Variants in NLRP14 observed in about 807,000 individuals in gnomAD.
NLRP14 encodes the protein NACHT, LRR and PYD domains-containing protein 14.
Under a neutral mutation model 94.7 loss-of-function variants are expected in NLRP14, and 105 were observed. The observed-to-expected ratio is 1.11, with a 90% CI of 0.95 to 1.30. The LOEUF (loss-of-function observed/expected upper bound fraction) is 1.30, where lower values mean the gene tolerates loss of function less well. Among genes scored for constraint, NLRP14 ranks in the 50% most tolerant of loss-of-function variants. The pLI is 0.00. For synonymous variants in NLRP14, 508 were observed against 459.9 expected (o/e 1.10, Z -1.34); for missense variants, 1,362 against 1,254.1 (o/e 1.09, Z -1.30).
rs866262569 is a variant in NLRP14 at position 7,065,372 on chromosome 11, T to C, written c.2975+2869T>C. ...TTCATTGTGTTTATACATAGAAACATAGGAGTTTTTAAAGTTGGTTTCTTA... is the reference window on the plus strand; with the variant it reads ...TTCATTGTGTTTATACATAGAAACACAGGAGTTTTTAAAGTTGGTTTCTTA... On this transcript the variant is annotated intron_variant, in intron 10 of 11. Coordinates refer to ENST00000299481, the MANE Select transcript of NLRP14 (RefSeq NM_176822.4). Among the ~76,000 whole-genome samples the C allele has an allele frequency of 1.3e-4, 20 of 152,276 alleles. 1 individual carries two copies. Among genetic ancestry groups the C allele is most frequent in the Middle Eastern group, 3.4e-3 (1 of 294 alleles).
intron 4 of NLRP14, 135 bp downstream of exon 4, chr11:7,044,119 A>C (rs768539493): frequency 7.9e-6 from 7 of 884,954 alleles, no homozygotes; most frequent in Non-Finnish European, 8.9e-6. Context: ...TGAGGCAGGG[A>C]GGCTAAGCAT....
rs138203804 is a variant in NLRP14, at chr11:7,035,668, G to C, written c.-21-2898G>C. Among the ~76,000 whole-genome samples the C allele has an allele frequency of 1.6e-4, 25 of 152,272 alleles. No individual in the cohort carries two copies. The East Asian group carries it at 4.8e-3, about 29-fold the overall frequency. ...AAGGGTGGAAACACCTGGCTTCCTA[G>C]GTCAAATCTTACCTCCCTGAGACCT... On this transcript the variant is annotated intron_variant, in intron 1 of 11. Coordinates refer to ENST00000299481, the MANE Select transcript of NLRP14 (RefSeq NM_176822.4).
At chr11:7,038,993 C>T (rs1302700883) in intron 2 of NLRP14, 118 bp downstream of exon 2, 5 of 902,610 alleles carry the variant, frequency 5.5e-6, no homozygotes, top group Non-Finnish European at 6.3e-6. Flanking sequence ...GACATAAGCT[C>T]CATGGTGGTC....
At chr11:7,025,877 T>A (rs1852008349) in intron 1 of NLRP14, among the ~76,000 whole-genome samples, 1 of 152,166 alleles carries the variant, frequency 6.6e-6, no homozygotes, top group Non-Finnish European at 1.5e-5. Flanking sequence ...AATTCAATAT[T>A]TGTGTTTCAG....
At chr11:7,040,909 C>G (rs547970839) in intron 3 of NLRP14, among the ~76,000 whole-genome samples, 1 of 152,180 alleles carries the variant, frequency 6.6e-6, no homozygotes, top group African/African-American at 2.4e-5. Flanking sequence ...TTATTTCAAA[C>G]CTAATGGCTA....
intron 6 of NLRP14, among the ~76,000 whole-genome samples, chr11:7,055,149 AT>A (rs1195791147): frequency 5.3e-5 from 8 of 152,008 alleles, no homozygotes. Context: ...TTGTATTTTT[AT>A]TTATCATTGT....
chr11:7,028,093 A>AT (rs147838325), intron 1 of NLRP14, among the ~76,000 whole-genome samples: 5,295 of 152,198 alleles, frequency 0.035, 135 homozygotes, highest in East Asian at 0.13. Context: ...AATTCCACCT[A>AT]TAAGCTAGTG....
chr11:7,062,341 G>T lies in NLRP14; in HGVS notation c.2813G>T (p.Gly938Val). ...TATTGTAATTCTTACAGATTGATGG[G>T]CTGTGTTCTCACTAATGCATGTTGT... ...SCNLQDLELM[G>V]CVLTNACCLD... Residue 938 changes from glycine (G) to valine (V), a missense_variant, in exon 10 of 12, where the codon GGC becomes GTC. By Grantham distance (109) the Gly-to-Val change is moderately radical (BLOSUM62 -3). Coordinates refer to ENST00000299481, the MANE Select transcript of NLRP14 (RefSeq NM_176822.4). 6.2e-7 allele frequency: 1 copy of T among 1,612,194 alleles called. No homozygotes were observed. Among genetic ancestry groups the T allele is most frequent in the Non-Finnish European group, 8.5e-7 (1 of 1,178,534 alleles).
the NLRP14 span, among the ~76,000 whole-genome samples, chr11:7,087,402 G>A: frequency 6.6e-6 from 1 of 152,176 alleles, no homozygotes; most frequent in African/African-American, 2.4e-5. Flanking sequence ...CTTGCTTGGA[G>A]CCCTGCAAAT....
chr11:7,057,914 T>C (rs986261366), intron 7 of NLRP14, 67 bp downstream of exon 7: 5 of 1,345,500 alleles, frequency 3.7e-6, no homozygotes, highest in Middle Eastern at 1.8e-4. Flanking sequence ...AATTGTGATC[T>C]GATAGGGAAA....
chr11:7,046,609 G>T (rs1852353985), intron 4 of NLRP14, 59 bp from the exon 5 acceptor site: 1 of 1,495,204 alleles, frequency 6.7e-7, no homozygotes, highest in Non-Finnish European at 9.3e-7. Context: ...TCCTCTGAGA[G>T]TTGGCTAGGC....
the NLRP14 span, chr11:7,089,232 C>A: frequency 6.2e-7 from 1 of 1,612,956 alleles, no homozygotes; most frequent in Non-Finnish European, 8.5e-7. Flanking sequence ...CGTCGAGGTG[C>A]TCCTGATGAA....
In NLRP14 at chr11:7,064,220, G is replaced by A. The variant is rs1589872833; in HGVS notation, c.2975+1717G>A. On this transcript the variant is annotated intron_variant, in intron 10 of 11. Transcript: ENST00000299481. ...TTGAAACAAGGTTGTGCTAGTGATT[G>A]TGTTTGTATACATATGATAAGATTC... 2.0e-5 allele frequency among the ~76,000 whole-genome samples: 3 copies of A among 152,238 alleles called. No individual in the cohort carries two copies. In the South Asian group the frequency reaches 6.2e-4, roughly 32 times the overall value.
At chr11:7,080,282 A>G in the NLRP14 span, among the ~76,000 whole-genome samples, 1 of 152,210 alleles carries the variant, frequency 6.6e-6, no homozygotes, top group Admixed American at 6.5e-5. Context: ...ATTGTAGGAC[A>G]CATGGTTGGT....
the NLRP14 span, among the ~76,000 whole-genome samples, chr11:7,079,146 GGAA>G: frequency 6.6e-6 from 1 of 152,192 alleles, no homozygotes; most frequent in Non-Finnish European, 1.5e-5. Flanking sequence ...GGGGGCCAGA[GGAA>G]GAAGATGATT....
At chr11:7,030,675 A>G (rs1054802183) in intron 1 of NLRP14, among the ~76,000 whole-genome samples, 3 of 152,180 alleles carry the variant, frequency 2.0e-5, no homozygotes, top group Non-Finnish European at 4.4e-5. Context: ...TGGATATTTT[A>G]TTCACTGCTA....
chr11:7,021,429 C>G (rs1235856307), intron 1 of NLRP14, among the ~76,000 whole-genome samples: 1 of 152,058 alleles, frequency 6.6e-6, no homozygotes, highest in Admixed American at 6.6e-5. Flanking sequence ...CTCTGGAGAC[C>G]ACATTTTGAA....
chr11:7,070,917 G>C (rs1589876759), intron 11 of NLRP14, among the ~76,000 whole-genome samples: 1 of 152,080 alleles, frequency 6.6e-6, no homozygotes, highest in Admixed American at 6.5e-5. Flanking sequence ...ATAGCAAAAG[G>C]CTCTTGGAGG....
chr11:7,024,194 G>A (rs190259120), intron 1 of NLRP14, among the ~76,000 whole-genome samples: 30 of 152,206 alleles, frequency 2.0e-4, no homozygotes, highest in African/African-American at 7.2e-4. Flanking sequence ...CTCTCAAATG[G>A]TATATTGAAA....
Sources: gnomAD v4.1 joint callset for allele counts (sites outside exome capture counted in the v4.1 genomes callset) on GRCh38, gnomAD v4.1.1 for gene constraint, MANE v1.5 for transcripts, NCBI Gene and HGNC (gene_info 2026-07-23, HGNC 2026-07-21) for gene names.